The following TYW1B variants were observed in gnomAD, a reference collection of about 807,000 sequenced individuals.
TYW1B encodes the protein S-adenosyl-L-methionine-dependent tRNA 4-demethylwyosine synthase TYW1B.
TYW1B carries 73 observed loss-of-function variants against 86.9 expected under a neutral mutation model. That is an observed-to-expected ratio of 0.84 (90% CI 0.70 to 1.02). The LOEUF (loss-of-function observed/expected upper bound fraction) is 1.02, where lower values mean the gene tolerates loss of function less well. Among genes scored for constraint, TYW1B ranks in the 50% least tolerant of loss-of-function variants. The pLI is 0.00. For synonymous variants in TYW1B, 248 were observed against 292.8 expected (o/e 0.85, Z 1.56); for missense variants, 637 against 827.4 (o/e 0.77, Z 2.82).
chr7:72,693,967 T>C (rs1814241063), intron 11 of TYW1B, among the ~76,000 whole-genome samples: 1 of 152,052 alleles, frequency 6.6e-6, no homozygotes, highest in Non-Finnish European at 1.5e-5. Flanking sequence ...TTATTATTTA[T>C]TTATTTTTTT....
chr7:72,793,423 A>T (rs1788253907), intron 6 of TYW1B, among the ~76,000 whole-genome samples: 1 of 152,128 alleles, frequency 6.6e-6, no homozygotes, highest in African/African-American at 2.4e-5. Context: ...TTTCGAAGAA[A>T]TATCTGAGAA....
intron 8 of TYW1B, among the ~76,000 whole-genome samples, chr7:72,736,553 C>G (rs1787200127): frequency 6.6e-6 from 1 of 152,148 alleles, no homozygotes; most frequent in Non-Finnish European, 1.5e-5. Context: ...TACATGCATC[C>G]ATGACCAAAA....
intron 7 of TYW1B, among the ~76,000 whole-genome samples, chr7:72,774,117 AGAGGAAGGGAAGGACT>A (rs1182347831): frequency 2.4e-4 from 36 of 151,094 alleles, no homozygotes; most frequent in Admixed American, 2.0e-3. Flanking sequence ...AAAGAGGGAG[AGAGGAAGGGAAGGACT>A]GAGGAAGGGA....
At chr7:72,721,609 C>T (rs1554457541) in intron 9 of TYW1B, among the ~76,000 whole-genome samples, 3 of 149,572 alleles carry the variant, frequency 2.0e-5, no homozygotes, top group African/African-American at 7.6e-5. Flanking sequence ...CTCACACTCA[C>T]ACACACACAC....
At chr7:72,680,121 C>A (rs1813833204) in intron 11 of TYW1B, among the ~76,000 whole-genome samples, 1 of 152,130 alleles carries the variant, frequency 6.6e-6, no homozygotes, top group Admixed American at 6.6e-5. Context: ...AGAGCAAGAC[C>A]CTGTGTGATG....
chr7:72,711,234 C>A (rs1407564721), intron 10 of TYW1B, among the ~76,000 whole-genome samples: 1 of 152,040 alleles, frequency 6.6e-6, no homozygotes. Flanking sequence ...CTATGCCTGC[C>A]GCGCAGAAAG....
intron 11 of TYW1B, among the ~76,000 whole-genome samples, chr7:72,671,030 C>T (rs1165655409): frequency 6.6e-6 from 1 of 152,102 alleles, no homozygotes; most frequent in African/African-American, 2.4e-5. Flanking sequence ...ATTTATTGAA[C>T]GTTTAATATC....
At chr7:72,576,669 C>T (rs1466399558) in intron 13 of TYW1B, among the ~76,000 whole-genome samples, 1 of 152,070 alleles carries the variant, frequency 6.6e-6, no homozygotes, top group Non-Finnish European at 1.5e-5. Flanking sequence ...CCCGCTAGCA[C>T]ACCTGGCTAA....
chr7:72,781,271 G>C (rs1457524666), intron 6 of TYW1B, among the ~76,000 whole-genome samples: 1 of 152,080 alleles, frequency 6.6e-6, no homozygotes, highest in Non-Finnish European at 1.5e-5. Context: ...TCAGGGAAAA[G>C]AAAGAATTAA....
intron 11 of TYW1B, among the ~76,000 whole-genome samples, chr7:72,632,402 T>TATATATATACATATATATA (rs1563038782): frequency 1.3e-5 from 1 of 79,706 alleles, no homozygotes; most frequent in East Asian, 2.2e-4. Flanking sequence ...ATATATATAA[T>TATATATATACATATATATA]ATATATATAC....
chr7:72,823,651 A>G (rs1251184861), intron 2 of TYW1B, among the ~76,000 whole-genome samples: 1 of 151,918 alleles, frequency 6.6e-6, no homozygotes, highest in Non-Finnish European at 1.5e-5. Context: ...TAAATGAAAT[A>G]AAATAAAATA....
chr7:72,592,681 T>G (rs1811424283), intron 13 of TYW1B, among the ~76,000 whole-genome samples: 1 of 152,058 alleles, frequency 6.6e-6, no homozygotes. Context: ...TACAAGTGGA[T>G]TGAAAGGGAA....
intron 6 of TYW1B, among the ~76,000 whole-genome samples, chr7:72,795,249 T>C (rs1788285524): frequency 6.6e-6 from 1 of 151,452 alleles, no homozygotes; most frequent in African/African-American, 2.4e-5. Flanking sequence ...AAAATAAAAA[T>C]AAAACAAAAA....
intron 11 of TYW1B, among the ~76,000 whole-genome samples, chr7:72,682,987 G>A (rs1813913792): frequency 6.6e-6 from 1 of 152,182 alleles, no homozygotes; most frequent in Non-Finnish European, 1.5e-5. Context: ...TTGTGCTTCT[G>A]GTAAGGGGAG....
chr7:72,719,304 C>T (rs1357755392), intron 9 of TYW1B, among the ~76,000 whole-genome samples: 2 of 151,942 alleles, frequency 1.3e-5, no homozygotes, highest in East Asian at 1.9e-4. Flanking sequence ...TATGCCACCA[C>T]ACTTGGCTAA....
intron 11 of TYW1B, among the ~76,000 whole-genome samples, chr7:72,652,621 G>A (rs146483118): frequency 1.3e-5 from 2 of 151,158 alleles, no homozygotes; most frequent in Non-Finnish European, 3.0e-5. Flanking sequence ...AGTTATACTG[G>A]TGAGTTGAAC....
chr7:72,826,812 T>A, intron 2 of TYW1B, 43 bp downstream of exon 2: 1 of 1,592,126 alleles, frequency 6.3e-7, no homozygotes, highest in Non-Finnish European at 8.5e-7. Flanking sequence ...CTCTATAAAA[T>A]CTGATGCCTA....
intron 11 of TYW1B, among the ~76,000 whole-genome samples, chr7:72,651,992 A>T (rs1813069968): frequency 6.6e-6 from 1 of 152,068 alleles, no homozygotes; most frequent in East Asian, 1.9e-4. Flanking sequence ...ATCACAGCTC[A>T]CTGCAGCCTC....
intron 11 of TYW1B, among the ~76,000 whole-genome samples, chr7:72,662,426 T>G (rs1395051527): frequency 0.6 from 70,544 of 118,506 alleles, 16,980 homozygotes; most frequent in African/African-American, 0.62. Context: ...AATATATATA[T>G]ATAGATAGAT....
Sources: allele counts gnomAD v4.1 joint callset (sites outside exome capture counted in the v4.1 genomes callset), GRCh38; gene constraint gnomAD v4.1.1; transcripts MANE v1.5; gene names NCBI Gene and HGNC (gene_info 2026-07-23, HGNC 2026-07-21).